DNAH10: variants seen among roughly 807,000 people sequenced by gnomAD.
The protein encoded by DNAH10 is dynein axonemal heavy chain 10.
Under a neutral mutation model 506.6 loss-of-function variants are expected in DNAH10, and 348 were observed. The ratio of observed to expected loss-of-function variants is 0.69; its 90% CI spans 0.63 to 0.75. The LOEUF (loss-of-function observed/expected upper bound fraction) is 0.75. Ranked by LOEUF, DNAH10 falls within the 30% of genes least tolerant of loss-of-function variation. DNAH10 has a pLI of 0.00. For synonymous variants in DNAH10, 2,059 were observed against 2,198.6 expected, an observed-to-expected ratio of 0.94 and a Z score of 1.78; for missense variants, 5,179 against 5,787.1, an observed-to-expected ratio of 0.89 and a Z score of 3.41.
chr12:123,934,319 G>A (rs777512681), intron 77 of DNAH10: 4 of 685,582 alleles, frequency 5.8e-6, no homozygotes, highest in Non-Finnish European at 1.1e-5. Context: ...GGGGCCCAGG[G>A]TGGTCTAAGT....
At chr12:123,781,951 A>AT (rs916397719) in intron 6 of DNAH10, among the ~76,000 whole-genome samples, 1 of 151,634 alleles carries the variant, frequency 6.6e-6, no homozygotes, top group Non-Finnish European at 1.5e-5. Flanking sequence ...TTTTCCATTG[A>AT]TTTTTTAAAC....
In DNAH10 at chr12:123,932,132, T is replaced by C. The variant is rs765732053; in HGVS notation, c.13296+24T>C. 9 of 1,612,028 alleles carry C rather than the reference T, an allele frequency of 5.6e-6. No individual in the cohort carries two copies. In the Admixed American group the frequency reaches 6.7e-5, roughly 12 times the overall value. On this transcript the variant is annotated intron_variant, in intron 76 of 78. Transcript: ENST00000673944. ...GGGTAAGTGGCACGTCACCGCCTCC[T>C]CTCTGCCGATTCAGGTGTCAGCCTA...
intron 25 of DNAH10, among the ~76,000 whole-genome samples, chr12:123,830,044 T>G (rs1298223744): frequency 6.6e-6 from 1 of 152,152 alleles, no homozygotes; most frequent in African/African-American, 2.4e-5. Flanking sequence ...ATTTATAGAT[T>G]TGTTGATTGT....
chr12:123,781,178 C>G lies in DNAH10; in HGVS notation c.720C>G (p.Asp240Glu). 6.2e-7 allele frequency: 1 copy of G among 1,614,038 alleles called. No individual in the cohort carries two copies. The highest frequency in any genetic ancestry group is 8.5e-7 in the Non-Finnish European group (1 of 1,179,962). ...CTAATTCCTCTGAGCATGAATCAGACCTGCCGCCCATGCCTGGGGAGGCAG... is the reference window on the plus strand; with the variant it reads ...CTAATTCCTCTGAGCATGAATCAGAGCTGCCGCCCATGCCTGGGGAGGCAG... ...EVSNSSEHES[D>E]LPPMPGEAVE... The change falls in exon 6 of 79, where the codon GAC becomes GAG. Residue 240 changes from aspartate to glutamate, a missense_variant. Around this residue, in one of 3 missense-constraint regions of DNAH10, gnomAD observed 326 missense variants for 330.8 expected, o/e 0.99. Coordinates refer to ENST00000673944, the MANE Select transcript of DNAH10 (RefSeq NM_001372106.1).
chr12:123,768,401 CT>C (rs1313309284), intron 2 of DNAH10, among the ~76,000 whole-genome samples: 1 of 152,088 alleles, frequency 6.6e-6, no homozygotes, highest in African/African-American at 2.4e-5. Context: ...TCCCAAAGTG[CT>C]GGGATTACAG....
chr12:123,905,819 T>C (rs1566079342), intron 57 of DNAH10, among the ~76,000 whole-genome samples: 1 of 152,226 alleles, frequency 6.6e-6, no homozygotes, highest in Non-Finnish European at 1.5e-5. Flanking sequence ...TTTTCCTGGT[T>C]TGTCATGGGC....
At chr12:123,839,478 T>A (rs1447463665) in intron 29 of DNAH10, among the ~76,000 whole-genome samples, 1 of 152,116 alleles carries the variant, frequency 6.6e-6, no homozygotes, top group Non-Finnish European at 1.5e-5. Flanking sequence ...TGAGTTACTA[T>A]TTATAAAGTA....
rs747256440 is a variant in DNAH10, at chr12:123,826,770, G to A, written c.4263G>A (p.Arg1421=). ...AGGAAGGAATTGAAGGTTTTCTCAG[G>A]GCTCTCAGAAAGCTACCTCGGCCAG... ...ILQEGIEGFL[R]ALRKLPRPVR... The change falls in exon 25 of 79, where the codon AGG becomes AGA. Residue 1421 remains arginine, a synonymous_variant. Coordinates refer to ENST00000673944, the MANE Select transcript of DNAH10 (RefSeq NM_001372106.1). The A allele has an allele frequency of 6.2e-7, 1 of 1,613,800 alleles. No homozygotes were observed. The highest frequency in any genetic ancestry group is 1.7e-5 in the Admixed American group (1 of 59,994).
intron 18 of DNAH10, among the ~76,000 whole-genome samples, chr12:123,807,341 A>G (rs970369160): frequency 1.3e-5 from 2 of 152,214 alleles, no homozygotes; most frequent in Admixed American, 1.3e-4. Context: ...AGAAGGCAGG[A>G]CACAGGGAAA....
At chr12:123,934,126 C>CTA in intron 77 of DNAH10, 1 of 635,250 alleles carries the variant, frequency 1.6e-6, no homozygotes, top group Non-Finnish European at 2.9e-6. Flanking sequence ...GTCCGGGCCA[C>CTA]CACTCTCTCT....
intron 25 of DNAH10, among the ~76,000 whole-genome samples, chr12:123,827,885 G>C (rs1221631352): frequency 6.6e-6 from 1 of 152,010 alleles, no homozygotes; most frequent in African/African-American, 2.4e-5. Context: ...GGCTTCCCTG[G>C]AGCACTCACC....
chr12:123,901,459 C>T (rs972572195), intron 56 of DNAH10, among the ~76,000 whole-genome samples: 1 of 152,200 alleles, frequency 6.6e-6, no homozygotes, highest in African/African-American at 2.4e-5. Context: ...GGCCCGTGCA[C>T]GGCTTTGCAC....
intron 21 of DNAH10, among the ~76,000 whole-genome samples, chr12:123,814,478 G>T (rs1415229231): frequency 6.6e-6 from 1 of 152,170 alleles, no homozygotes; most frequent in Non-Finnish European, 1.5e-5. Flanking sequence ...TAACCACTAG[G>T]CTGCAAGGGT....
At position 123,929,711 on chromosome 12, in the gene DNAH10, A is replaced by G. The variant is rs61472386; in HGVS notation, c.12564A>G (p.Gln4188=). ...LNTYLTKAFQ[Q]RDPRIPWGSL... ...CGTACTTAACGAAAGCCTTCCAGCA[A>G]CGGGACCCAAGGATCCCGTGGGGCA... Residue 4188 remains glutamine (Q), a synonymous_variant, in exon 72 of 79, where the codon CAA becomes CAG. Coordinates refer to ENST00000673944, the MANE Select transcript of DNAH10 (RefSeq NM_001372106.1). 1,834 of 1,613,630 alleles carry G rather than the reference A, an allele frequency of 1.1e-3. 14 individuals carry two copies. In the African/African-American group the frequency reaches 0.021, roughly 18 times the overall value.
intron 19 of DNAH10, among the ~76,000 whole-genome samples, chr12:123,812,762 A>G (rs1427964780): frequency 6.6e-6 from 1 of 152,126 alleles, no homozygotes; most frequent in African/African-American, 2.4e-5. Context: ...CTAGCAGTTG[A>G]TGACCTCAAG....
At position 123,917,837 on chromosome 12, in the gene DNAH10, C is replaced by T. The variant is rs374965615; in HGVS notation, c.11232+24C>T. ...AGGTAGCAACCACAGTGGAAGAGGC[C>T]GTGAGTCAGGCGGGGCCTGCATGCG... On this transcript the variant is annotated intron_variant, in intron 64 of 78. Transcript: ENST00000673944. The surrounding 1 kb of genome is among the most constrained non-coding windows in gnomAD (Gnocchi z 5.6). The T allele has an allele frequency of 2.1e-5, 33 of 1,554,176 alleles. No homozygotes were observed. Among genetic ancestry groups the T allele is most frequent in the Non-Finnish European group, 2.7e-5 (31 of 1,148,436 alleles).
intron 54 of DNAH10, among the ~76,000 whole-genome samples, chr12:123,896,496 G>A (rs1053818052): frequency 2.6e-5 from 4 of 152,160 alleles, no homozygotes; most frequent in African/African-American, 7.2e-5. Context: ...TGTATAGGAA[G>A]GCCCACCTTT....
In DNAH10 at chr12:123,831,631, G is replaced by A. The variant is rs143439870; in HGVS notation, c.4545+932G>A. Among the ~76,000 whole-genome samples, 1,364 of 152,292 alleles carry A rather than the reference G, an allele frequency of 9.0e-3. 17 individuals carry two copies. The highest frequency in any genetic ancestry group is 0.024 in the South Asian group (114 of 4,828). ...GCCAAGGCCGGGCATGGTGGCTCAC[G>A]CCTGTAATCCCAGCACTTTGGGAGG... On this transcript the variant is annotated intron_variant, in intron 26 of 78. Coordinates refer to ENST00000673944, the MANE Select transcript of DNAH10 (RefSeq NM_001372106.1).
chr12:123,772,426 C>T (rs1957288716), intron 3 of DNAH10, among the ~76,000 whole-genome samples: 1 of 152,256 alleles, frequency 6.6e-6, no homozygotes, highest in Admixed American at 6.5e-5. Context: ...TTGGACAACA[C>T]AGACCTGCTA....
Sources: gnomAD v4.1 joint callset for allele counts (sites outside exome capture counted in the v4.1 genomes callset) on GRCh38, gnomAD v4.1.1 for gene constraint, gnomAD v4.1.1 regional missense constraint, Gnocchi (gnomAD v3.1) non-coding constraint, MANE v1.5 for transcripts, NCBI Gene and HGNC (gene_info 2026-07-23, HGNC 2026-07-21) for gene names.